Variants in ADRA1B observed in about 807,000 individuals in gnomAD.
ADRA1B encodes alpha-1B adrenergic receptor.
Under a neutral mutation model 17.9 loss-of-function variants are expected in ADRA1B, and 17 were observed. That is an observed-to-expected ratio of 0.95 (90% CI 0.65 to 1.42). The LOEUF is 1.42. ADRA1B is among the 40% of genes most tolerant of loss of function. The pLI, the probability that ADRA1B is intolerant of heterozygous loss-of-function variation, is 0.00. For synonymous variants in ADRA1B, 366 were observed against 327.6 expected, an observed-to-expected ratio of 1.12 and a Z score of -1.27; for missense variants, 681 against 722.1, an observed-to-expected ratio of 0.94 and a Z score of 0.65.
chr5:159,902,350 T>C (rs1246630554), intron 1 of ADRA1B, among the ~76,000 whole-genome samples: 1 of 152,182 alleles, frequency 6.6e-6, no homozygotes, highest in East Asian at 1.9e-4. Flanking sequence ...TGTTGTTCAA[T>C]GGGTCTGCAG....
chr5:159,888,415 A>C (rs914617716), intron 1 of ADRA1B: 2 of 152,240 alleles, frequency 1.3e-5, no homozygotes, highest in Middle Eastern at 3.4e-3. Flanking sequence ...GCCTATTTGG[A>C]ATAGGCTCCT....
Position 159,948,759 on chromosome 5 carries a change from G to A in ADRA1B, c.950-23120G>A, listed in dbSNP as rs543281764. Reference sequence around the variant, plus strand: ...ATGTGTCATTAAGCCAGTCACTTATGTTGAATATTTGGGGTTGTTTCCAAT... The same window carrying A: ...ATGTGTCATTAAGCCAGTCACTTATATTGAATATTTGGGGTTGTTTCCAAT... On this transcript the variant is annotated intron_variant, in intron 1 of 1. Coordinates refer to ENST00000306675, the MANE Select transcript of ADRA1B (RefSeq NM_000679.4). Among the ~76,000 whole-genome samples, 7 of 152,212 alleles carry A rather than the reference G, an allele frequency of 4.6e-5. No homozygotes were observed. The East Asian group carries it at 1.3e-3, about 29-fold the overall frequency.
At chr5:159,961,685 C>T (rs1282876753) in intron 1 of ADRA1B, among the ~76,000 whole-genome samples, 2 of 152,154 alleles carry the variant, frequency 1.3e-5, no homozygotes, top group East Asian at 3.8e-4. Context: ...ACAAGAGGAT[C>T]AAAACAGTTT....
intron 1 of ADRA1B, among the ~76,000 whole-genome samples, chr5:159,953,725 T>C (rs1755495716): frequency 6.6e-6 from 1 of 152,222 alleles, no homozygotes; most frequent in Non-Finnish European, 1.5e-5. Flanking sequence ...ATCTCCTTGC[T>C]TCCTGAATCA....
At chr5:159,952,823 G>C (rs1403951865) in intron 1 of ADRA1B, among the ~76,000 whole-genome samples, 3 of 152,130 alleles carry the variant, frequency 2.0e-5, no homozygotes, top group African/African-American at 7.2e-5. Context: ...TAAAGACAGA[G>C]TCCATTTCTA....
At position 159,910,123 on chromosome 5, in the gene ADRA1B, A is replaced by T. The variant is rs138862536; in HGVS notation, c.-255-5996A>T. Among the ~76,000 whole-genome samples the T allele has an allele frequency of 1.5e-4, 23 of 152,368 alleles. 1 individual carries two copies. In the East Asian group the frequency reaches 4.2e-3, roughly 28 times the overall value. On this transcript the variant is annotated intron_variant, in intron 1 of 2. Transcript: ENST00000641205. ...CAAACAGGTTTAAATTATAGAGAAC[A>T]TCAATATAATAATAGTAGAGTTCTT...
chr5:159,973,193 C>T (rs1581075878), downstream of ADRA1B, among the ~76,000 whole-genome samples: 4 of 152,236 alleles, frequency 2.6e-5, no homozygotes, highest in South Asian at 8.3e-4. Flanking sequence ...GCTGGCTCCC[C>T]TAGGTCCCAT....
At chr5:159,898,482 T>G (rs1654994751) in intron 1 of ADRA1B, among the ~76,000 whole-genome samples, 1 of 152,218 alleles carries the variant, frequency 6.6e-6, no homozygotes. Context: ...ATATCTCTAA[T>G]GTATGTTTGG....
intron 1 of ADRA1B, among the ~76,000 whole-genome samples, chr5:159,918,455 GC>G (rs1485803454): frequency 6.6e-6 from 1 of 152,188 alleles, no homozygotes; most frequent in Non-Finnish European, 1.5e-5. Context: ...CAGCCACACA[GC>G]CCCAACCAGC....
chr5:159,893,412 A>G (rs1391504875), intron 1 of ADRA1B, among the ~76,000 whole-genome samples: 1 of 152,226 alleles, frequency 6.6e-6, no homozygotes, highest in Non-Finnish European at 1.5e-5. Flanking sequence ...CTTAATAGGG[A>G]TGAATATGAG....
chr5:159,908,700 C>T (rs1385768372), intron 1 of ADRA1B, among the ~76,000 whole-genome samples: 2 of 152,190 alleles, frequency 1.3e-5, no homozygotes, highest in Non-Finnish European at 2.9e-5. Flanking sequence ...AGACATACCA[C>T]GGAAGTGTTG....
At chr5:159,873,228 A>G (rs1262186986) in intron 1 of ADRA1B, among the ~76,000 whole-genome samples, 1 of 152,178 alleles carries the variant, frequency 6.6e-6, no homozygotes, top group East Asian at 1.9e-4. Flanking sequence ...TAGTGCTGCA[A>G]TAAACATAAG....
chr5:159,900,638 G>A (rs1754090955), intron 1 of ADRA1B, among the ~76,000 whole-genome samples: 1 of 152,200 alleles, frequency 6.6e-6, no homozygotes, highest in South Asian at 2.1e-4. Context: ...AATAGCCCCT[G>A]AGGGAGAGAG....
At chr5:159,968,899 C>T (rs1410643526) in intron 1 of ADRA1B, among the ~76,000 whole-genome samples, 1 of 152,190 alleles carries the variant, frequency 6.6e-6, no homozygotes, top group Non-Finnish European at 1.5e-5. Flanking sequence ...ATTTATTCTC[C>T]AGTTTCCCAT....
intron 1 of ADRA1B, among the ~76,000 whole-genome samples, chr5:159,873,004 C>G (rs1753765045): frequency 6.6e-6 from 1 of 151,428 alleles, no homozygotes; most frequent in African/African-American, 2.4e-5. Flanking sequence ...CAACTCCCAC[C>G]TATGAGTGAG....
upstream of ADRA1B, chr5:159,916,147 A>G (rs1460502961): frequency 6.6e-6 from 1 of 152,096 alleles, no homozygotes; most frequent in East Asian, 1.9e-4. Context: ...ATCCCGTTAA[A>G]TCCGGGGCCC....
At chr5:159,898,956 C>A (rs905567758) in intron 1 of ADRA1B, among the ~76,000 whole-genome samples, 3 of 152,076 alleles carry the variant, frequency 2.0e-5, no homozygotes, top group Admixed American at 2.0e-4. Flanking sequence ...CCTGCCTGAA[C>A]AACATAGTGG....
chr5:159,865,529 T>C (rs751608123), intron 1 of ADRA1B, among the ~76,000 whole-genome samples: 13 of 152,244 alleles, frequency 8.5e-5, no homozygotes, highest in Non-Finnish European at 1.9e-4. Flanking sequence ...TTGTTTCCAG[T>C]TTCTTGTGCT....
chr5:159,976,360 A>G (rs529670192), downstream of ADRA1B, among the ~76,000 whole-genome samples: 4 of 152,140 alleles, frequency 2.6e-5, no homozygotes, highest in South Asian at 8.3e-4. Flanking sequence ...TCACGGAGTA[A>G]AAGAATTTTG....
Sources: gnomAD v4.1 joint callset for allele counts (sites outside exome capture counted in the v4.1 genomes callset) on GRCh38, gnomAD v4.1.1 for gene constraint, MANE v1.5 for transcripts, NCBI Gene and HGNC (gene_info 2026-07-23, HGNC 2026-07-21) for gene names.